The following WDFY4 variants were observed in gnomAD, a reference collection of about 807,000 sequenced individuals.
WDFY4 encodes the protein WDFY family member 4.
WDFY4 carries 169 observed loss-of-function variants against 351.9 expected under a neutral mutation model. That is an observed-to-expected ratio of 0.48 (90% CI 0.42 to 0.55). WDFY4 has a LOEUF of 0.55. WDFY4 is among the 20% of genes least tolerant of loss of function. WDFY4 has a pLI of 0.00. For missense variants in WDFY4, 3,803 were observed against 3,935.6 expected (o/e 0.97, Z 0.90); for synonymous variants, 1,622 against 1,574.6 (o/e 1.03, Z -0.71).
chr10:48,934,674 C>A (rs1840241675), intron 47 of WDFY4, among the ~76,000 whole-genome samples: 1 of 152,216 alleles, frequency 6.6e-6, no homozygotes, highest in Non-Finnish European at 1.5e-5. Context: ...CTCTCCCAAC[C>A]CCATTACAGT....
chr10:48,963,751 C>G, intron 53 of WDFY4, 91 bp from the exon 54 acceptor site: 1 of 1,342,344 alleles, frequency 7.4e-7, no homozygotes, highest in Admixed American at 2.0e-5. Flanking sequence ...AGGGCCAGCA[C>G]TCTGAAGCAT....
chr10:48,786,947 T>G, intron 20 of WDFY4, 77 bp downstream of exon 20: 1 of 1,333,110 alleles, frequency 7.5e-7, no homozygotes, highest in Non-Finnish European at 1.0e-6. Context: ...GTAGCAGATT[T>G]GCAGAGAATA....
At chr10:48,828,407 C>T (rs972070242) in intron 36 of WDFY4, among the ~76,000 whole-genome samples, 2 of 152,176 alleles carry the variant, frequency 1.3e-5, no homozygotes, top group Non-Finnish European at 2.9e-5. Context: ...AACCCTGGCC[C>T]CATTCAAGCA....
intron 21 of WDFY4, 151 bp from the exon 22 acceptor site, chr10:48,789,723 C>T (rs2066614503): frequency 1.4e-6 from 1 of 694,320 alleles, no homozygotes; most frequent in Non-Finnish European, 2.4e-6. Flanking sequence ...AATCCCCTGA[C>T]ATTGGTTCAA....
intron 39 of WDFY4, 23 bp downstream of exon 39, chr10:48,832,732 C>G (rs978320155): frequency 1.5e-5 from 23 of 1,502,342 alleles, no homozygotes; most frequent in Non-Finnish European, 2.0e-5. Flanking sequence ...CCCTTTTCCT[C>G]AGAAAAGTAT....
intron 5 of WDFY4, among the ~76,000 whole-genome samples, chr10:48,724,680 A>G (rs542089295): frequency 1.3e-5 from 2 of 152,282 alleles, no homozygotes; most frequent in African/African-American, 4.8e-5. Context: ...TCACAAAAAT[A>G]TACAGAGCCC....
chr10:48,700,754 G>T (rs537779629), intron 1 of WDFY4, among the ~76,000 whole-genome samples: 1 of 152,362 alleles, frequency 6.6e-6, no homozygotes, highest in Non-Finnish European at 1.5e-5. Flanking sequence ...GGTGGGCACA[G>T]CCTTTGGCAG....
At chr10:48,854,076 TA>T (rs1222449375) in intron 39 of WDFY4, among the ~76,000 whole-genome samples, 2 of 152,130 alleles carry the variant, frequency 1.3e-5, no homozygotes, top group African/African-American at 4.8e-5. Context: ...GCATTTTCTT[TA>T]AGTGCTAATT....
At chr10:48,870,655 T>A (rs551050476) in intron 40 of WDFY4, among the ~76,000 whole-genome samples, 1 of 152,228 alleles carries the variant, frequency 6.6e-6, no homozygotes, top group East Asian at 1.9e-4. Context: ...TTGGCCCACT[T>A]GCAGTTTGAA....
rs945034322 is a variant in WDFY4 at position 48,805,561 on chromosome 10, G to T, written c.4646+140G>T. Reference sequence around the variant, plus strand: ...TAGGAATTTTTGCCCAGGGCTGAGAGTTGGGGAAAGGATGGTTTGCTGAAG... The same window carrying T: ...TAGGAATTTTTGCCCAGGGCTGAGATTTGGGGAAAGGATGGTTTGCTGAAG... On this transcript the variant is annotated intron_variant, in intron 26 of 61. Transcript: ENST00000325239. 24 of 1,215,546 alleles carry T rather than the reference G, an allele frequency of 2.0e-5. No individual in the cohort carries two copies. In the East Asian group the frequency reaches 4.4e-4, roughly 22 times the overall value. 75.3% of individuals were successfully genotyped at this position (1,215,546 alleles called of 1,614,324 possible).
chr10:48,896,478 C>T (rs915913481), intron 44 of WDFY4, among the ~76,000 whole-genome samples: 4 of 152,170 alleles, frequency 2.6e-5, no homozygotes, highest in Non-Finnish European at 5.9e-5. Context: ...CCTGGTTTGA[C>T]ACGAGACATC....
At chr10:48,944,146 G>A (rs979844197) in intron 49 of WDFY4, among the ~76,000 whole-genome samples, 3 of 152,192 alleles carry the variant, frequency 2.0e-5, no homozygotes, top group African/African-American at 7.2e-5. Flanking sequence ...AATGTGTGCA[G>A]GAGAGGGGCC....
intron 28 of WDFY4, 39 bp downstream of exon 28, chr10:48,807,997 C>A: frequency 6.8e-7 from 1 of 1,478,304 alleles, no homozygotes; most frequent in Non-Finnish European, 9.0e-7. Flanking sequence ...CAGGAGGTTA[C>A]CTCATACAGG....
chr10:48,744,938 G>A (rs1290306496), intron 12 of WDFY4, among the ~76,000 whole-genome samples: 1 of 152,114 alleles, frequency 6.6e-6, no homozygotes, highest in African/African-American at 2.4e-5. Context: ...TGCTTTTTCT[G>A]CTTCAGCACT....
chr10:48,769,932 G>A (rs1328166839), intron 13 of WDFY4, among the ~76,000 whole-genome samples: 1 of 152,230 alleles, frequency 6.6e-6, no homozygotes, highest in Non-Finnish European at 1.5e-5. Context: ...GGCCAACCTG[G>A]TGACCCTGTG....
At chr10:48,951,716 A>C (rs1286080592) in intron 51 of WDFY4, among the ~76,000 whole-genome samples, 3 of 152,220 alleles carry the variant, frequency 2.0e-5, no homozygotes, top group Non-Finnish European at 4.4e-5. Context: ...TTGCCTGCCT[A>C]GAGCAAGTGT....
intron 7 of WDFY4, among the ~76,000 whole-genome samples, chr10:48,728,214 T>C (rs2064333126): frequency 6.6e-6 from 1 of 152,208 alleles, no homozygotes; most frequent in South Asian, 2.1e-4. Context: ...CCCCTACTGG[T>C]GTTTTCTGGG....
chr10:48,974,272 G>A (rs1026246565), intron 57 of WDFY4, among the ~76,000 whole-genome samples: 3 of 152,012 alleles, frequency 2.0e-5, no homozygotes, highest in Admixed American at 6.5e-5. Flanking sequence ...GGAGGCCAAG[G>A]CAGGTGGATC....
intron 51 of WDFY4, among the ~76,000 whole-genome samples, chr10:48,949,702 G>A (rs1187154107): frequency 6.6e-6 from 1 of 152,202 alleles, no homozygotes. Flanking sequence ...ACATGTAAGA[G>A]TCAGCATGGG....
Sources: allele counts gnomAD v4.1 joint callset (sites outside exome capture counted in the v4.1 genomes callset), GRCh38; gene constraint gnomAD v4.1.1; transcripts MANE v1.5; gene names NCBI Gene and HGNC (gene_info 2026-07-23, HGNC 2026-07-21).